The following TCOF1 variants were observed in gnomAD, a reference collection of about 807,000 sequenced individuals.
The protein encoded by TCOF1 is treacle protein.
TCOF1 carries 33 observed loss-of-function variants against 149.0 expected under a neutral mutation model. The ratio of observed to expected loss-of-function variants is 0.22; its 90% CI spans 0.17 to 0.30. TCOF1 has a LOEUF of 0.30. TCOF1 is among the 10% of genes least tolerant of loss of function. TCOF1 has a pLI of 1.00. For synonymous variants in TCOF1, 789 were observed against 738.8 expected (o/e 1.07, Z -1.10); for missense variants, 1,728 against 1,840.7 (o/e 0.94, Z 1.12).
chr5:150,397,215 T>C (rs939430956), intron 24 of TCOF1, among the ~76,000 whole-genome samples: 5 of 149,882 alleles, frequency 3.3e-5, no homozygotes, highest in African/African-American at 1.2e-4. Context: ...GGGCAGCTTG[T>C]GGCAAAGCCC....
At chr5:150,375,637 G>A in intron 11 of TCOF1, 83 bp downstream of exon 11, 1 of 1,612,348 alleles carries the variant, frequency 6.2e-7, no homozygotes. Flanking sequence ...CTCACACTGG[G>A]ACTCTGTCTA....
In TCOF1 at chr5:150,374,084, G is replaced by A. The variant is rs555018245; in HGVS notation, c.871-90G>A. On this transcript the variant is annotated intron_variant, in intron 7 of 26. Transcript: ENST00000643257. ...GAGGGAAGCAGGGGAGGTCTTAGGA[G>A]CCTCATTAAGGCCTCTGGACTTTAT... The A allele has an allele frequency of 1.0e-5, 14 of 1,401,814 alleles. No homozygotes were observed. The East Asian group carries it at 3.5e-4, about 35-fold the overall frequency. 86.8% of individuals were successfully genotyped at this position (1,401,814 alleles called of 1,614,324 possible).
At chr5:150,393,093 CTG>C in intron 22 of TCOF1, 1 of 589,350 alleles carries the variant, frequency 1.7e-6, no homozygotes, top group South Asian at 2.0e-5. Context: ...AGGTTACTAT[CTG>C]TATGTGGCAA....
At chr5:150,381,952 T>TACCGCC (rs1316727850) in intron 17 of TCOF1, among the ~76,000 whole-genome samples, 1 of 152,112 alleles carries the variant, frequency 6.6e-6, no homozygotes, top group Non-Finnish European at 1.5e-5. Context: ...TCCCAGCACT[T>TACCGCC]TGGGAGGCTG....
rs1328452069 is a variant in TCOF1 at position 150,361,347 on chromosome 5, C to T, written c.164+136C>T. ...GGACACCATTGTTGCCTCCAGAAAG[C>T]CAGCTCACATCACATGGATGGGTAT... On this transcript the variant is annotated intron_variant, in intron 2 of 26. Transcript: ENST00000643257. 7.3e-6 allele frequency: 7 copies of T among 965,248 alleles called. No individual in the cohort carries two copies. In the African/African-American group the frequency reaches 8.0e-5, roughly 11 times the overall value. 59.8% of individuals were successfully genotyped at this position (965,248 alleles called of 1,614,324 possible). A position where few individuals can be genotyped will look rare whatever the true frequency, so the allele number is the denominator to read the frequency against.
chr5:150,380,176 A>G (rs1004915828), intron 17 of TCOF1: 3 of 214,860 alleles, frequency 1.4e-5, no homozygotes, highest in East Asian at 1.2e-4. Context: ...CAGTTCCACC[A>G]TGCCCTCCTC....
intron 24 of TCOF1, among the ~76,000 whole-genome samples, 173 bp from the exon 25 acceptor site, chr5:150,398,181 C>A (rs1199257796): frequency 6.6e-6 from 1 of 152,170 alleles, no homozygotes; most frequent in Non-Finnish European, 1.5e-5. Context: ...CTCAGCCTCC[C>A]AAAGTGCTGG....
Position 150,374,155 on chromosome 5 carries a change from G to A in TCOF1, c.871-19G>A. 2.5e-6 allele frequency: 4 copies of A among 1,606,082 alleles called. No individual in the cohort carries two copies. The highest frequency in any genetic ancestry group is 3.4e-6 in the Non-Finnish European group (4 of 1,176,292). On this transcript the variant is annotated intron_variant, in intron 7 of 26. Transcript: ENST00000643257. ...GTTTTCACAAGCAGGAGAGCAAGCT[G>A]CCCTTTCTTTTTCACCAGGTAAAGG...
Position 150,396,378 on chromosome 5 carries a change from G to A in TCOF1, c.3881G>A (p.Ser1294Asn), listed in dbSNP as rs753005384. The A allele has an allele frequency of 1.9e-6, 3 of 1,614,012 alleles. No homozygotes were observed. The highest frequency in any genetic ancestry group is 1.7e-5 in the Admixed American group (1 of 60,030). Reference protein sequence around the residue: ...NPQASTLALQSNITQCLLGQP... With the variant: ...NPQASTLALQNNITQCLLGQP... ...CAAGCCTCAACCCTGGCGCTGCAAA[G>A]CAACATCACCCAGTGCCTCCTGGGC... Residue 1294 changes from serine (S) to asparagine (N), a missense_variant, in exon 24 of 27, where the codon AGC (serine) becomes AAC (asparagine). Physicochemically the swap from Ser to Asn is conservative, Grantham distance 46. Transcript: ENST00000643257.
intron 17 of TCOF1, among the ~76,000 whole-genome samples, chr5:150,386,505 G>A (rs1459082010): frequency 6.6e-6 from 1 of 152,210 alleles, no homozygotes; most frequent in African/African-American, 2.4e-5. Flanking sequence ...CCCTCAGGCA[G>A]GCACCTTTCT....
intron 24 of TCOF1, among the ~76,000 whole-genome samples, chr5:150,397,481 C>T (rs1162530565): frequency 6.6e-6 from 1 of 152,156 alleles, no homozygotes; most frequent in African/African-American, 2.4e-5. Context: ...ACTCCGCATG[C>T]AGCAGGACCT....
At position 150,379,030 on chromosome 5, in the gene TCOF1, G is replaced by T. The variant is rs1313310655; in HGVS notation, c.2466G>T (p.Arg822Ser). The T allele has an allele frequency of 1.9e-6, 3 of 1,614,014 alleles. No homozygotes were observed. Among genetic ancestry groups the T allele is most frequent in the East Asian group, 4.5e-5 (2 of 44,864 alleles). The change falls in exon 15 of 27, where the codon AGG (arginine) becomes AGT (serine). Residue 822 changes from arginine (R) to serine (S), a missense_variant. Physicochemically the swap from Arg to Ser is moderately radical, Grantham distance 110. Around this residue, in one of 2 missense-constraint regions of TCOF1, gnomAD observed 1,696 missense variants for 1,765.4 expected, o/e 0.96. Coordinates refer to ENST00000643257, the MANE Select transcript of TCOF1 (RefSeq NM_001371623.1). ...CTGCAGCTGCTCAAGCCAAGCAGAGGTCTCCATCCAAGGCAAGTGGGGCCA... is the reference window on the plus strand; with the variant it reads ...CTGCAGCTGCTCAAGCCAAGCAGAGTTCTCCATCCAAGGCAAGTGGGGCCA... ...VVTAAAQAKQRSPSKVKPPVR... is the reference protein window; with the variant it reads ...VVTAAAQAKQSSPSKVKPPVR...
rs900802851 is a variant in TCOF1 at position 150,369,591 on chromosome 5, A to G, written c.628A>G (p.Thr210Ala). 3 of 1,613,970 alleles carry G rather than the reference A, an allele frequency of 1.9e-6. No individual in the cohort carries two copies. The South Asian group carries it at 3.3e-5, about 18-fold the overall frequency. Residue 210 changes from threonine (T) to alanine (A), a missense_variant, in exon 6 of 27, where the codon ACA becomes GCA. By Grantham distance (58) the Thr-to-Ala change is moderately conservative (BLOSUM62 0). Coordinates refer to ENST00000643257, the MANE Select transcript of TCOF1 (RefSeq NM_001371623.1). Reference sequence around the variant, plus strand: ...GGACACCTCCAGCTCCAGTGATGAGACAGACGTGGAGGTAATTGCCACCCA... The same window carrying G: ...GGACACCTCCAGCTCCAGTGATGAGGCAGACGTGGAGGTAATTGCCACCCA... ...SEDTSSSSDE[T>A]DVEGKPSVKP... is the part of the protein sequence containing the mutation.
At position 150,372,216 on chromosome 5, in the gene TCOF1, C is replaced by G. The variant is rs964184140; in HGVS notation, c.850C>G (p.Pro284Ala). Residue 284 changes from proline to alanine, a missense_variant, in exon 7 of 27, where the codon CCT (proline) becomes GCT (alanine). Coordinates refer to ENST00000643257, the MANE Select transcript of TCOF1 (RefSeq NM_001371623.1). ...GGGATCTGAAAGTGAGGAGGAGGCCCCTGCAGGGACACGAAGCCAGGTGAG... is the reference window on the plus strand; with the variant it reads ...GGGATCTGAAAGTGAGGAGGAGGCCGCTGCAGGGACACGAAGCCAGGTGAG... Reference protein sequence around the residue: ...EEGSESEEEAPAGTRSQVKAS... With the variant: ...EEGSESEEEAAAGTRSQVKAS... 20 of 1,612,008 alleles carry G rather than the reference C, an allele frequency of 1.2e-5. No individual in the cohort carries two copies. Among genetic ancestry groups the G allele is most frequent in the Admixed American group, 3.3e-5 (2 of 59,790 alleles).
intron 14 of TCOF1, among the ~76,000 whole-genome samples, chr5:150,377,570 C>T (rs1764099858): frequency 6.6e-6 from 1 of 152,156 alleles, no homozygotes. Context: ...TCTTTTTTCT[C>T]TGTACCAGAG....
intron 25 of TCOF1, 55 bp from the exon 26 acceptor site, chr5:150,398,967 A>G: frequency 2.5e-6 from 4 of 1,613,644 alleles, no homozygotes; most frequent in Non-Finnish European, 3.4e-6. Flanking sequence ...TGGGGGCAGC[A>G]GTGGGTGGGG....
chr5:150,384,731 CG>C (rs1765932875), intron 17 of TCOF1: 2 of 985,458 alleles, frequency 2.0e-6, no homozygotes, highest in East Asian at 2.3e-4. Flanking sequence ...CAGGAGGATT[CG>C]GGGAAGACGG....
chr5:150,385,065 G>A (rs895663652), intron 17 of TCOF1: 3 of 985,292 alleles, frequency 3.0e-6, no homozygotes, highest in South Asian at 4.7e-5. Context: ...TTAAAAACAA[G>A]TAGGTGATAC....
At chr5:150,385,444 C>T (rs1263119911) in intron 17 of TCOF1, among the ~76,000 whole-genome samples, 1 of 152,228 alleles carries the variant, frequency 6.6e-6, no homozygotes, top group African/African-American at 2.4e-5. Flanking sequence ...TGGGATGAGA[C>T]TTCCTGGGTT....
Sources: allele counts gnomAD v4.1 joint callset (sites outside exome capture counted in the v4.1 genomes callset), GRCh38; gene constraint gnomAD v4.1.1; regional missense constraint gnomAD v4.1.1; transcripts MANE v1.5; gene names NCBI Gene and HGNC (gene_info 2026-07-23, HGNC 2026-07-21).